ESF1: variants seen among roughly 807,000 people sequenced by gnomAD.
ESF1 encodes the protein ESF1 nucleolar pre-rRNA processing protein, also known as ESF1 homolog.
ESF1 carries 58 observed loss-of-function variants against 92.0 expected under a neutral mutation model. The observed-to-expected ratio is 0.63, with a 90% CI of 0.51 to 0.78. The LOEUF is 0.78. Among genes scored for constraint, ESF1 ranks in the 30% least tolerant of loss-of-function variants. The pLI is 0.00. For synonymous variants in ESF1, 321 were observed against 313.7 expected (o/e 1.02, Z -0.24); for missense variants, 922 against 989.1 (o/e 0.93, Z 0.91).
chr20:13,748,465 T>TACACATATATACACATATAC (rs1292647169), intron 9 of ESF1, among the ~76,000 whole-genome samples: 3 of 125,274 alleles, frequency 2.4e-5, no homozygotes, highest in African/African-American at 9.1e-5. Flanking sequence ...TATACATATA[T>TACACATATATACACATATAC]ACACATATAT....
intron 2 of ESF1, among the ~76,000 whole-genome samples, chr20:13,780,081 T>A (rs1000742776): frequency 6.6e-6 from 1 of 152,146 alleles, no homozygotes; most frequent in Non-Finnish European, 1.5e-5. Context: ...AGCCGTGTAA[T>A]CCTTATTTAT....
At chr20:13,760,745 C>A (rs527981380) in intron 8 of ESF1, among the ~76,000 whole-genome samples, 1 of 150,330 alleles carries the variant, frequency 6.7e-6, no homozygotes, top group African/African-American at 2.4e-5. Context: ...CCGCCCCGTC[C>A]GGGAGGGAGG....
chr20:13,758,392 T>C (rs780385865), intron 9 of ESF1, among the ~76,000 whole-genome samples: 3 of 152,162 alleles, frequency 2.0e-5, no homozygotes, highest in Non-Finnish European at 4.4e-5. Context: ...AAGCCAAACA[T>C]TTAAAACAAA....
intron 2 of ESF1, among the ~76,000 whole-genome samples, chr20:13,781,688 C>A (rs979499736): frequency 6.6e-6 from 1 of 152,210 alleles, no homozygotes; most frequent in African/African-American, 2.4e-5. Context: ...GTCCAGAGAG[C>A]ATGCCTTTTT....
intron 7 of ESF1, among the ~76,000 whole-genome samples, chr20:13,769,421 A>G (rs549991191): frequency 3.9e-5 from 6 of 152,336 alleles, no homozygotes; most frequent in African/African-American, 1.4e-4. Flanking sequence ...ATCTGAAAAC[A>G]GGTTCACAGA....
chr20:13,715,711 C>T lies in ESF1; in HGVS notation c.2263-544G>A, dbSNP rs567363850. 2.1e-4 allele frequency among the ~76,000 whole-genome samples: 32 copies of T among 152,212 alleles called. No homozygotes were observed. In the South Asian group the frequency reaches 6.7e-3, roughly 32 times the overall value. On this transcript the variant is annotated intron_variant, in intron 13 of 13. Coordinates refer to ENST00000617257, the MANE Select transcript of ESF1 (RefSeq NM_001276380.2). ...AGATCAAGGTCTGGTCAGACACAAG[C>T]CCCAGATTTATCTTCTTTCTATAAA...
intron 9 of ESF1, among the ~76,000 whole-genome samples, chr20:13,736,896 C>T (rs1024853365): frequency 2.6e-5 from 4 of 152,082 alleles, no homozygotes; most frequent in African/African-American, 9.7e-5. Context: ...CAAATAGCAG[C>T]ATAAGAAACA....
chr20:13,731,357 C>T (rs1486127073), intron 10 of ESF1, among the ~76,000 whole-genome samples: 3 of 151,814 alleles, frequency 2.0e-5, no homozygotes, highest in African/African-American at 7.3e-5. Flanking sequence ...TGGTGAAACC[C>T]CGCCTCTACT....
Position 13,783,271 on chromosome 20 carries a change from T to C in ESF1, c.-43-88A>G, listed in dbSNP as rs1980334836. Reference sequence around the variant, plus strand: ...AACACATTCACAATATATTCTAAGTTAATATATTCTAAGTTAAGTGTACAT... The same window carrying C: ...AACACATTCACAATATATTCTAAGTCAATATATTCTAAGTTAAGTGTACAT... On this transcript the variant is annotated intron_variant, in intron 1 of 13. Coordinates refer to ENST00000617257, the MANE Select transcript of ESF1 (RefSeq NM_001276380.2). 2.5e-5 allele frequency: 24 copies of C among 948,304 alleles called. 1 individual carries two copies. The highest frequency in any genetic ancestry group is 3.2e-5 in the Non-Finnish European group (21 of 660,120). The allele number at this position is 948,304 out of a possible 1,614,324, so 58.7% of individuals were successfully genotyped here. A position where few individuals can be genotyped will look rare whatever the true frequency, so the allele number is the denominator to read the frequency against.
At chr20:13,752,718 A>C (rs1978696208) in intron 9 of ESF1, among the ~76,000 whole-genome samples, 1 of 152,236 alleles carries the variant, frequency 6.6e-6, no homozygotes. Flanking sequence ...GTCTCTGTTT[A>C]AGCTACTCAG....
intron 11 of ESF1, among the ~76,000 whole-genome samples, chr20:13,725,447 T>C (rs975824753): frequency 1.3e-5 from 2 of 151,978 alleles, no homozygotes; most frequent in Non-Finnish European, 2.9e-5. Flanking sequence ...GTGAAACTTC[T>C]GAAAAAAGAT....
chr20:13,734,633 C>A (rs1412453645), intron 9 of ESF1, among the ~76,000 whole-genome samples: 1 of 152,114 alleles, frequency 6.6e-6, no homozygotes, highest in Non-Finnish European at 1.5e-5. Flanking sequence ...TTTACAAAGA[C>A]CCTCATTATT....
chr20:13,774,108 T>C (rs763575971), intron 4 of ESF1, among the ~76,000 whole-genome samples: 67 of 150,808 alleles, frequency 4.4e-4, no homozygotes, highest in Non-Finnish European at 8.3e-4. Context: ...AAAAAAAAAA[T>C]AGTTTATTAG....
chr20:13,727,200 G>C (rs1009314853), intron 11 of ESF1, among the ~76,000 whole-genome samples: 2 of 152,162 alleles, frequency 1.3e-5, no homozygotes, highest in African/African-American at 2.4e-5. Context: ...CCATTATAAA[G>C]TTGGTTTCCT....
chr20:13,717,855 G>T (rs1174326427), intron 12 of ESF1, among the ~76,000 whole-genome samples: 1 of 151,604 alleles, frequency 6.6e-6, no homozygotes, highest in East Asian at 1.9e-4. Flanking sequence ...TTTTCACTTT[G>T]TTCTTTTTGC....
chr20:13,777,173 A>G (rs1226820482), intron 2 of ESF1, among the ~76,000 whole-genome samples: 1 of 152,226 alleles, frequency 6.6e-6, no homozygotes, highest in Admixed American at 6.5e-5. Context: ...AAAGCAAGAA[A>G]TGAAGGTAGC....
In ESF1 at chr20:13,782,626, A is replaced by G. The variant is rs1186771955; in HGVS notation, c.515T>C (p.Ile172Thr). The part of the protein sequence containing the change: ...TQKNKKEKKN[I>T]VQHTTDSSLE... Reference sequence around the variant, plus strand: ...AGAAGAGTCTGTAGTATGTTGAACAATGTTTTTTTTCTCTTTCTTATTTTT... The same window carrying G: ...AGAAGAGTCTGTAGTATGTTGAACAGTGTTTTTTTTCTCTTTCTTATTTTT... The change falls in exon 2 of 14, where the codon ATT (isoleucine) becomes ACT (threonine). Residue 172 changes from isoleucine (I) to threonine (T), a missense_variant. By Grantham distance (89) the Ile-to-Thr change is moderately conservative. Transcript: ENST00000617257. 6.2e-7 allele frequency: 1 copy of G among 1,607,834 alleles called. No homozygotes were observed. The highest frequency in any genetic ancestry group is 8.5e-7 in the Non-Finnish European group (1 of 1,178,580).
At chr20:13,741,968 A>G (rs1352563192) in intron 9 of ESF1, among the ~76,000 whole-genome samples, 1 of 152,210 alleles carries the variant, frequency 6.6e-6, no homozygotes, top group African/African-American at 2.4e-5. Flanking sequence ...ATCTATTAGT[A>G]TTTCACAGAG....
chr20:13,747,383 AC>A (rs1420375016), intron 9 of ESF1, among the ~76,000 whole-genome samples: 3 of 151,862 alleles, frequency 2.0e-5, no homozygotes, highest in Non-Finnish European at 4.4e-5. Flanking sequence ...ACACGGTGAA[AC>A]CCCGTCTCTA....
Sources: allele counts gnomAD v4.1 joint callset (sites outside exome capture counted in the v4.1 genomes callset), GRCh38; gene constraint gnomAD v4.1.1; transcripts MANE v1.5; gene names NCBI Gene and HGNC (gene_info 2026-07-23, HGNC 2026-07-21).